The following TRPM3 variants were observed in gnomAD, a reference collection of about 807,000 sequenced individuals.
TRPM3 encodes the protein long transient receptor potential channel 3.
TRPM3 carries 77 observed loss-of-function variants against 181.2 expected under a neutral mutation model. The ratio of observed to expected loss-of-function variants is 0.42; its 90% CI spans 0.35 to 0.51. The LOEUF (loss-of-function observed/expected upper bound fraction) is 0.51, where lower values mean the gene tolerates loss of function less well. Ranked by LOEUF, TRPM3 falls within the 20% of genes least tolerant of loss-of-function variation. The pLI, the probability that TRPM3 is intolerant of heterozygous loss-of-function variation, is 0.01. For missense variants in TRPM3, 1,759 were observed against 2,196.7 expected (o/e 0.80, Z 3.98); for synonymous variants, 745 against 796.4 (o/e 0.94, Z 1.09).
chr9:70,559,327 T>C (rs1019468280), intron 22 of TRPM3, among the ~76,000 whole-genome samples: 2 of 152,242 alleles, frequency 1.3e-5, no homozygotes, highest in Non-Finnish European at 2.9e-5. Context: ...TCTATTTTCC[T>C]GTTTATGTCA....
At chr9:70,865,751 T>C (rs1452503586) in intron 1 of TRPM3, among the ~76,000 whole-genome samples, 3 of 152,068 alleles carry the variant, frequency 2.0e-5, no homozygotes, top group Non-Finnish European at 4.4e-5. Flanking sequence ...CTCGTGACAG[T>C]GCACATTTTA....
intron 6 of TRPM3, among the ~76,000 whole-genome samples, chr9:70,818,810 A>G (rs1016610416): frequency 5.3e-5 from 8 of 152,218 alleles, no homozygotes; most frequent in African/African-American, 4.8e-5. Flanking sequence ...CTGGGAGAGA[A>G]CAGGTTTAAG....
At chr9:71,203,122 T>C (rs536018386) in intron 1 of TRPM3, among the ~76,000 whole-genome samples, 1 of 152,346 alleles carries the variant, frequency 6.6e-6, no homozygotes, top group African/African-American at 2.4e-5. Context: ...TAGCTGGTTC[T>C]GCTTTTCTGG....
At chr9:70,929,787 T>A (rs2096757281) in intron 1 of TRPM3, among the ~76,000 whole-genome samples, 1 of 152,176 alleles carries the variant, frequency 6.6e-6, no homozygotes, top group South Asian at 2.1e-4. Context: ...AAAAAGGTTT[T>A]TGTTTGTTTT....
At chr9:71,369,363 C>T (rs2092438807) in intron 1 of TRPM3, among the ~76,000 whole-genome samples, 1 of 152,112 alleles carries the variant, frequency 6.6e-6, no homozygotes, top group African/African-American at 2.4e-5. Flanking sequence ...TATGACAATG[C>T]ACTTGAAAAT....
chr9:71,045,122 A>T (rs1275873824), intron 1 of TRPM3, among the ~76,000 whole-genome samples: 3 of 151,366 alleles, frequency 2.0e-5, no homozygotes, highest in Non-Finnish European at 2.9e-5. Context: ...TTGGAGATGG[A>T]GTCTCGCTCT....
Position 70,594,876 on chromosome 9 carries a change from G to A in TRPM3, c.3048+3543C>T, listed in dbSNP as rs550704672. Among the ~76,000 whole-genome samples, 95 of 152,162 alleles carry A rather than the reference G, an allele frequency of 6.2e-4. 2 individuals are homozygous for A. The South Asian group carries it at 0.018, about 29-fold the overall frequency. On this transcript the variant is annotated intron_variant, in intron 21 of 25. Coordinates refer to ENST00000677713, the MANE Select transcript of TRPM3 (RefSeq NM_001366145.2). ...ACATTTTCTTAAGTTCCAGCCTGGT[G>A]GTCCATCTGACTCACTGATAAATTC...
At chr9:70,967,724 A>G (rs1590157573) in intron 1 of TRPM3, among the ~76,000 whole-genome samples, 1 of 152,114 alleles carries the variant, frequency 6.6e-6, no homozygotes, top group Non-Finnish European at 1.5e-5. Flanking sequence ...TTAGCCTTCC[A>G]TAATTCTTAG....
At chr9:71,146,952 A>T (rs1280473410) in intron 1 of TRPM3, among the ~76,000 whole-genome samples, 1 of 152,148 alleles carries the variant, frequency 6.6e-6, no homozygotes, top group Non-Finnish European at 1.5e-5. Context: ...AAGAACTAAG[A>T]TGTGTTTGTG....
intron 1 of TRPM3, among the ~76,000 whole-genome samples, chr9:71,131,249 T>A (rs534273664): frequency 1.3e-5 from 2 of 151,918 alleles, no homozygotes; most frequent in East Asian, 3.9e-4. Flanking sequence ...CAGCTCTTCA[T>A]GAGATTAGCT....
rs533767302 is a variant in TRPM3 at position 70,951,230 on chromosome 9, T to G, written c.178-86719A>C. ...AAAATATAGGTATAATATTAAGAGG[T>G]AAATAACATTTCTTTTAAAATTATG... On this transcript the variant is annotated intron_variant, in intron 1 of 25. Coordinates refer to ENST00000677713, the MANE Select transcript of TRPM3 (RefSeq NM_001366145.2). 7.7e-4 allele frequency among the ~76,000 whole-genome samples: 117 copies of G among 152,342 alleles called. 2 individuals are homozygous for G. The highest frequency in any genetic ancestry group is 1.5e-3 in the Non-Finnish European group (102 of 68,038).
At chr9:71,079,084 C>T (rs1003642121) in intron 1 of TRPM3, among the ~76,000 whole-genome samples, 2 of 152,056 alleles carry the variant, frequency 1.3e-5, no homozygotes, top group African/African-American at 4.8e-5. Context: ...CTTGGGGAGG[C>T]AGGGGTGACA....
At chr9:70,779,261 A>G (rs2082031602) in intron 7 of TRPM3, among the ~76,000 whole-genome samples, 1 of 152,168 alleles carries the variant, frequency 6.6e-6, no homozygotes, top group Non-Finnish European at 1.5e-5. Flanking sequence ...TAACTTCCCA[A>G]AAGTTAGTAA....
chr9:70,588,943 C>G (rs751662085), intron 22 of TRPM3, among the ~76,000 whole-genome samples: 1 of 152,196 alleles, frequency 6.6e-6, no homozygotes, highest in African/African-American at 2.4e-5. Context: ...TAGCACTAGA[C>G]AGAAAACTGG....
intron 1 of TRPM3, among the ~76,000 whole-genome samples, chr9:70,962,800 G>C (rs17056074): frequency 0.015 from 2,262 of 152,192 alleles, 25 homozygotes; most frequent in South Asian, 0.046. Flanking sequence ...GTAACTGAAA[G>C]AATGGAAAGA....
intron 1 of TRPM3, among the ~76,000 whole-genome samples, chr9:71,095,094 C>T (rs929524998): frequency 6.6e-6 from 1 of 152,096 alleles, no homozygotes; most frequent in African/African-American, 2.4e-5. Flanking sequence ...GTAATCCAAG[C>T]CCTGGGAAAT....
Position 70,537,180 on chromosome 9 carries a change from G to A in TRPM3, c.3933C>T (p.Ser1311=), listed in dbSNP as rs781473582. 9 of 1,591,044 alleles carry A rather than the reference G, an allele frequency of 5.7e-6. No individual in the cohort carries two copies. In the Admixed American group the frequency reaches 1.4e-4, roughly 24 times the overall value. ...TGTTCCCTTCCTGGCTGTTGAAGCT[G>A]CTCTGACGGACAATGTAGGCGGCGT... ...CTDAAYIVRQ[S]SFNSQEGNTF... Residue 1311 remains serine, a synonymous_variant, in exon 26 of 26, where the codon AGC becomes AGT. Transcript: ENST00000677713.
chr9:70,986,620 T>G (rs1407803941), intron 1 of TRPM3, among the ~76,000 whole-genome samples: 1 of 152,192 alleles, frequency 6.6e-6, no homozygotes, highest in Non-Finnish European at 1.5e-5. Context: ...TGGCTTTTGG[T>G]AGTTAAATTA....
intron 1 of TRPM3, among the ~76,000 whole-genome samples, chr9:71,149,128 G>A (rs1786371443): frequency 1.3e-5 from 2 of 152,112 alleles, no homozygotes; most frequent in South Asian, 4.1e-4. Flanking sequence ...AGGCCGGAGT[G>A]GTAGCTCACA....
Sources: gnomAD v4.1 joint callset for allele counts (sites outside exome capture counted in the v4.1 genomes callset) on GRCh38, gnomAD v4.1.1 for gene constraint, MANE v1.5 for transcripts, NCBI Gene and HGNC (gene_info 2026-07-23, HGNC 2026-07-21) for gene names.